The following ANO3 variants were observed in gnomAD, a reference collection of about 807,000 sequenced individuals.
ANO3 encodes the protein anoctamin 3, also known as anoctamin-3.
Under a neutral mutation model 144.8 loss-of-function variants are expected in ANO3, and 99 were observed. The ratio of observed to expected loss-of-function variants is 0.68; its 90% CI spans 0.58 to 0.81. The LOEUF is 0.81. ANO3 is among the 30% of genes least tolerant of loss of function. The pLI is 0.00. For synonymous variants in ANO3, 414 were observed against 392.6 expected (o/e 1.05, Z -0.64); for missense variants, 905 against 1,202.2 (o/e 0.75, Z 3.66).
intron 14 of ANO3, among the ~76,000 whole-genome samples, chr11:26,589,513 C>T (rs550084340): frequency 5.9e-5 from 9 of 151,608 alleles, no homozygotes; most frequent in Admixed American, 1.3e-4. Flanking sequence ...TTCACAGAGC[C>T]GCACAACCCT....
intron 4 of ANO3, among the ~76,000 whole-genome samples, chr11:26,497,865 A>ATT (rs1311037841): frequency 6.6e-6 from 1 of 152,042 alleles, no homozygotes; most frequent in African/African-American, 2.4e-5. Context: ...ATCTTTTAGC[A>ATT]TATAAGATCA....
chr11:26,336,511 TTC>T (rs1310723151), intron 1 of ANO3, among the ~76,000 whole-genome samples: 1 of 152,244 alleles, frequency 6.6e-6, no homozygotes, highest in African/African-American at 2.4e-5. Flanking sequence ...AGTATTTTCT[TTC>T]TCTTTTTCTT....
intron 1 of ANO3, among the ~76,000 whole-genome samples, chr11:26,229,280 CAT>C: frequency 6.6e-6 from 1 of 152,318 alleles, no homozygotes; most frequent in Non-Finnish European, 1.5e-5. Flanking sequence ...AATTCTCCAA[CAT>C]AATCATAATC....
intron 1 of ANO3, among the ~76,000 whole-genome samples, chr11:26,227,746 C>T (rs917042997): frequency 6.6e-6 from 1 of 152,134 alleles, no homozygotes; most frequent in African/African-American, 2.4e-5. Context: ...TCTCTGAAGC[C>T]TTATACTCCT....
At chr11:26,652,487 T>A (rs1180049350) in intron 24 of ANO3, among the ~76,000 whole-genome samples, 4 of 152,140 alleles carry the variant, frequency 2.6e-5, no homozygotes. Flanking sequence ...GCTCCCATAC[T>A]GAAGGCAAAA....
intron 9 of ANO3, among the ~76,000 whole-genome samples, chr11:26,536,148 G>C (rs1005276527): frequency 6.6e-6 from 1 of 151,048 alleles, no homozygotes; most frequent in African/African-American, 2.4e-5. Context: ...GGTAAAACCC[G>C]TCTTTACTAA....
At chr11:26,458,803 T>C (rs997796065) in intron 3 of ANO3, among the ~76,000 whole-genome samples, 1 of 152,078 alleles carries the variant, frequency 6.6e-6, no homozygotes, top group Non-Finnish European at 1.5e-5. Flanking sequence ...TAGGAGGAGA[T>C]AGATATAACA....
At chr11:26,283,062 TG>T (rs1373592204) in intron 1 of ANO3, among the ~76,000 whole-genome samples, 1 of 150,836 alleles carries the variant, frequency 6.6e-6, no homozygotes, top group African/African-American at 2.5e-5. Flanking sequence ...TCATCTAAAA[TG>T]GTTGATGAAC....
At chr11:26,231,123 C>T (rs1293132096) in intron 1 of ANO3, among the ~76,000 whole-genome samples, 1 of 152,026 alleles carries the variant, frequency 6.6e-6, no homozygotes, top group African/African-American at 2.4e-5. Flanking sequence ...ATGATCCACC[C>T]GCCTTGGCCT....
At chr11:26,523,341 G>A (rs1465043355) in intron 6 of ANO3, among the ~76,000 whole-genome samples, 4 of 152,170 alleles carry the variant, frequency 2.6e-5, no homozygotes, top group African/African-American at 9.7e-5. Flanking sequence ...CTGTTAATTA[G>A]CTTCATACGG....
At chr11:26,442,138 T>C in intron 2 of ANO3, 26 bp downstream of exon 2, 1 of 1,599,504 alleles carries the variant, frequency 6.3e-7, no homozygotes, top group African/African-American at 1.3e-5. Context: ...TATTTTCTTG[T>C]TCAATTTATA....
At chr11:26,328,785 G>A (rs1854956342), upstream of ANO3, among the ~76,000 whole-genome samples, 1 of 152,096 alleles carries the variant, frequency 6.6e-6, no homozygotes, top group Admixed American at 6.6e-5. Context: ...TATATGGGTA[G>A]GGGGGTTGAA....
chr11:26,273,632 G>GCACACACA (rs3220654), intron 1 of ANO3, among the ~76,000 whole-genome samples: 208 of 140,280 alleles, frequency 1.5e-3, no homozygotes, highest in African/African-American at 2.3e-3. Context: ...TGTGGATATG[G>GCACACACA]CACACACACA....
intron 1 of ANO3, among the ~76,000 whole-genome samples, chr11:26,311,008 C>A (rs992894288): frequency 1.3e-5 from 2 of 151,962 alleles, no homozygotes; most frequent in Non-Finnish European, 2.9e-5. Context: ...ATGGCTTTCT[C>A]ATATTAAATA....
chr11:26,431,183 C>T (rs12577529), intron 1 of ANO3, among the ~76,000 whole-genome samples: 9,757 of 152,208 alleles, frequency 0.064, 552 homozygotes, highest in African/African-American at 0.15. Context: ...TGTTATTGTA[C>T]TGGGCAGTAT....
At chr11:26,483,597 G>T (rs1860316533) in intron 4 of ANO3, among the ~76,000 whole-genome samples, 2 of 152,038 alleles carry the variant, frequency 1.3e-5, no homozygotes, top group African/African-American at 2.4e-5. Flanking sequence ...CTCCCACCTT[G>T]ATCATGTTTC....
At chr11:26,323,307 A>T (rs566800502) in intron 1 of ANO3, among the ~76,000 whole-genome samples, 8 of 152,222 alleles carry the variant, frequency 5.3e-5, no homozygotes, top group African/African-American at 1.9e-4. Context: ...GTACATTTTT[A>T]AAAACTATTT....
At chr11:26,454,711 T>A (rs1859083249) in intron 3 of ANO3, among the ~76,000 whole-genome samples, 1 of 152,064 alleles carries the variant, frequency 6.6e-6, no homozygotes, top group East Asian at 1.9e-4. Context: ...GAGGGAATCC[T>A]CCCTCATTTT....
chr11:26,507,225 C>G (rs888039840), intron 4 of ANO3, among the ~76,000 whole-genome samples: 1 of 152,048 alleles, frequency 6.6e-6, no homozygotes, highest in African/African-American at 2.4e-5. Flanking sequence ...TTCCTTACAG[C>G]AAATAAGAAT....
Sources: gnomAD v4.1 joint callset for allele counts (sites outside exome capture counted in the v4.1 genomes callset) on GRCh38, gnomAD v4.1.1 for gene constraint, MANE v1.5 for transcripts, NCBI Gene and HGNC (gene_info 2026-07-23, HGNC 2026-07-21) for gene names.